TEX14: variants seen among roughly 807,000 people sequenced by gnomAD.
TEX14 encodes inactive serine/threonine-protein kinase TEX14.
A neutral mutation model predicts 178.6 loss-of-function variants in TEX14; 168 were observed. The ratio of observed to expected loss-of-function variants is 0.94; its 90% CI spans 0.83 to 1.07. The LOEUF is 1.07. TEX14 is among the 50% of genes least tolerant of loss of function. TEX14 has a pLI of 0.00. For synonymous variants in TEX14, 626 were observed against 634.1 expected, an observed-to-expected ratio of 0.99 and a Z score of 0.19; for missense variants, 1,730 against 1,753.6, an observed-to-expected ratio of 0.99 and a Z score of 0.24.
At chr17:58,631,408 G>A (rs1038354616) in intron 2 of TEX14, among the ~76,000 whole-genome samples, 1 of 152,094 alleles carries the variant, frequency 6.6e-6, no homozygotes, top group African/African-American at 2.4e-5. Context: ...AGCCGAAATT[G>A]TGCCATTGCA....
At chr17:58,683,368 A>AT (rs1248876902) in intron 1 of TEX14, among the ~76,000 whole-genome samples, 48 of 149,984 alleles carry the variant, frequency 3.2e-4, no homozygotes, top group African/African-American at 1.0e-3. Flanking sequence ...GCAAGACTCC[A>AT]TCCCCCCCCC....
At chr17:58,610,043 A>T (rs867724164) in intron 10 of TEX14, among the ~76,000 whole-genome samples, 2 of 152,210 alleles carry the variant, frequency 1.3e-5, no homozygotes, top group Non-Finnish European at 1.5e-5. Flanking sequence ...AAAGGCTCAG[A>T]GCTGTGGATG....
intron 14 of TEX14, among the ~76,000 whole-genome samples, chr17:58,595,262 T>C (rs1448017339): frequency 1.3e-5 from 2 of 152,192 alleles, no homozygotes; most frequent in African/African-American, 2.4e-5. Flanking sequence ...TAGATGGAGA[T>C]GGCTTTTTCC....
At chr17:58,631,399 G>T (rs1210674170) in intron 2 of TEX14, among the ~76,000 whole-genome samples, 1 of 152,092 alleles carries the variant, frequency 6.6e-6, no homozygotes, top group Non-Finnish European at 1.5e-5. Context: ...GCTGCAATGA[G>T]CCGAAATTGT....
intron 1 of TEX14, chr17:58,661,147 A>G (rs1235946136): frequency 2.4e-6 from 2 of 831,088 alleles, no homozygotes; most frequent in African/African-American, 3.3e-5. Context: ...ATGCCATAGC[A>G]ACGAGGCTAG....
intron 19 of TEX14, among the ~76,000 whole-genome samples, chr17:58,583,342 G>A (rs912647673): frequency 3.9e-5 from 6 of 151,986 alleles, no homozygotes; most frequent in Non-Finnish European, 7.4e-5. Flanking sequence ...TGTTGCCAAG[G>A]CTGGTCTCAA....
At chr17:58,609,841 C>T in intron 10 of TEX14, among the ~76,000 whole-genome samples, 1 of 152,214 alleles carries the variant, frequency 6.6e-6, no homozygotes, top group East Asian at 1.9e-4. Context: ...ACAGAAATCC[C>T]TGCCTCATGT....
At chr17:58,616,598 T>C (rs78450829) in intron 6 of TEX14, among the ~76,000 whole-genome samples, 1 of 147,306 alleles carries the variant, frequency 6.8e-6, no homozygotes, top group Admixed American at 6.7e-5. Context: ...ACCTGGCTAA[T>C]TTTTTTTTTA....
At chr17:58,604,833 T>C (rs2144493079) in intron 11 of TEX14, 145 bp downstream of exon 11, 1 of 905,212 alleles carries the variant, frequency 1.1e-6, no homozygotes, top group African/African-American at 1.7e-5. Flanking sequence ...AGTGCTGGGA[T>C]TACAGGCGTG....
chr17:58,610,116 T>A (rs1158286510), intron 10 of TEX14, among the ~76,000 whole-genome samples: 1 of 152,172 alleles, frequency 6.6e-6, no homozygotes, highest in Non-Finnish European at 1.5e-5. Context: ...CAGGAAGACT[T>A]TGACTCTTGC....
At chr17:58,557,068 G>A (rs781648273) in intron 31 of TEX14, 21 bp from the exon 32 acceptor site, 2 of 1,610,230 alleles carry the variant, frequency 1.2e-6, no homozygotes, top group Non-Finnish European at 1.7e-6. Flanking sequence ...GTTTTTTAAA[G>A]AACAAAAAAG....
chr17:58,664,427 T>C (rs563794919), intron 1 of TEX14, among the ~76,000 whole-genome samples: 6 of 152,350 alleles, frequency 3.9e-5, no homozygotes, highest in African/African-American at 1.4e-4. Flanking sequence ...CTTGAATTTC[T>C]TTGCTGCTAA....
At position 58,592,623 on chromosome 17, in the gene TEX14, C is replaced by T. The variant is rs187625756; in HGVS notation, c.2576+932G>A. Among the ~76,000 whole-genome samples the T allele has an allele frequency of 6.6e-5, 10 of 151,780 alleles. No homozygotes were observed. The East Asian group carries it at 1.7e-3, about 26-fold the overall frequency. ...CGCTGGGATTACAGGTGTGAGCCAC[C>T]GCACCCAGCTGTTCAAGCTATTATT... On this transcript the variant is annotated intron_variant, in intron 15 of 31. Coordinates refer to ENST00000349033, the MANE Select transcript of TEX14 (RefSeq NM_031272.5).
intron 15 of TEX14, among the ~76,000 whole-genome samples, chr17:58,588,721 A>C (rs1053587784): frequency 3.9e-5 from 6 of 152,170 alleles, no homozygotes; most frequent in Non-Finnish European, 5.9e-5. Context: ...CAATCTCTCT[A>C]GGCCAAGGCT....
At chr17:58,590,117 C>T (rs1254625002) in intron 15 of TEX14, among the ~76,000 whole-genome samples, 14 of 151,856 alleles carry the variant, frequency 9.2e-5, no homozygotes, top group Admixed American at 2.0e-4. Context: ...AAAAATTAGC[C>T]GGGTGTGGTG....
intron 1 of TEX14, chr17:58,659,389 G>A (rs942826100): frequency 4.2e-6 from 4 of 948,488 alleles, no homozygotes; most frequent in African/African-American, 1.8e-5. Context: ...GTTGTTTTTA[G>A]GCATCGCTTC....
At position 58,628,072 on chromosome 17, in the gene TEX14, C is replaced by T. The variant is rs117056517; in HGVS notation, c.251+2368G>A. Among the ~76,000 whole-genome samples, 1,251 of 151,934 alleles carry T rather than the reference C, an allele frequency of 8.2e-3. 6 individuals carry two copies. Among genetic ancestry groups the T allele is most frequent in the Non-Finnish European group, 0.014 (918 of 67,964 alleles). The stretch of plus-strand genomic sequence containing the variant: ...TCTGGCTGACCCCTTTCTCTCCGGG[C>T]TTTGAAATTAAACAATACGGTAGAG... On this transcript the variant is annotated intron_variant, in intron 3 of 31. Transcript: ENST00000349033.
At chr17:58,686,994 C>G (rs565380202) in intron 1 of TEX14, among the ~76,000 whole-genome samples, 1 of 150,518 alleles carries the variant, frequency 6.6e-6, no homozygotes, top group Non-Finnish European at 1.5e-5. Flanking sequence ...CTGCCTCAGT[C>G]TCCCGAGTAG....
At chr17:58,563,701 AGC>A (rs200846123) in intron 28 of TEX14, among the ~76,000 whole-genome samples, 3,183 of 16,958 alleles carry the variant, frequency 0.19, 292 homozygotes, top group African/African-American at 0.28. Flanking sequence ...AGAGAGAGAG[AGC>A]GCAAGATCAT....
Sources: gnomAD v4.1 joint callset for allele counts (sites outside exome capture counted in the v4.1 genomes callset) on GRCh38, gnomAD v4.1.1 for gene constraint, MANE v1.5 for transcripts, NCBI Gene and HGNC (gene_info 2026-07-23, HGNC 2026-07-21) for gene names.